The following OR4N2 variants were observed in gnomAD, a reference collection of about 807,000 sequenced individuals.
The protein encoded by OR4N2 is olfactory receptor family 4 subfamily N member 2, also known as olfactory receptor 4N2.
For missense variants in OR4N2, 307 were observed against 377.6 expected, an observed-to-expected ratio of 0.81 and a Z score of 1.55; for synonymous variants, 141 against 140.4, an observed-to-expected ratio of 1.00 and a Z score of -0.03.
In OR4N2 at chr14:19,820,592, C is replaced by A. The variant is rs866780424; in HGVS notation, c.-9-6848C>A. 3.3e-5 allele frequency among the ~76,000 whole-genome samples: 5 copies of A among 152,256 alleles called. No individual in the cohort carries two copies. In the South Asian group the frequency reaches 8.3e-4, roughly 25 times the overall value. On this transcript the variant is annotated intron_variant, in intron 1 of 1. Transcript: ENST00000557677. The stretch of plus-strand genomic sequence containing the variant: ...GGGACTTTTATCTATAAGCCCCTGA[C>A]TGGGGACGCTGCCTTTCTTTCAGAG...
chr14:19,814,207 A>T (rs543347974), intron 1 of OR4N2, among the ~76,000 whole-genome samples: 50 of 152,206 alleles, frequency 3.3e-4, no homozygotes, highest in Admixed American at 6.5e-4. Flanking sequence ...AATTTTTAAA[A>T]TTAATAATCT....
chr14:19,809,487 C>T (rs1879244699), intron 1 of OR4N2, among the ~76,000 whole-genome samples: 1 of 152,146 alleles, frequency 6.6e-6, no homozygotes, highest in African/African-American at 2.4e-5. Context: ...CTATAAGGAA[C>T]TTAAACAAAG....
intron 1 of OR4N2, among the ~76,000 whole-genome samples, chr14:19,821,727 A>G (rs1456777984): frequency 6.6e-6 from 1 of 152,266 alleles, no homozygotes; most frequent in Non-Finnish European, 1.5e-5. Context: ...TAGTTCTTGC[A>G]AACTCTGGTA....
At chr14:19,825,431 A>C (rs28439819) in intron 1 of OR4N2, among the ~76,000 whole-genome samples, 41,240 of 147,398 alleles carry the variant, frequency 0.28, 2,912 homozygotes, top group African/African-American at 0.32. Flanking sequence ...CCCTCATCCT[A>C]TATCTTCTTG....
rs1176764184 is a variant in OR4N2, at chr14:19,827,600, C to T, written c.152C>T (p.Ser51Leu). 2 of 1,614,076 alleles carry T rather than the reference C, an allele frequency of 1.2e-6. No homozygotes were observed. The highest frequency in any genetic ancestry group is 3.3e-5 in the Admixed American group (2 of 60,018). ...TTTCTCATTATTTTCACCATAAAGT[C>T]AGACCCTGGGCTCACAGCCCCCCTC... ...GNFLIIFTIKSDPGLTAPLYF... is the reference protein window; with the variant it reads ...GNFLIIFTIKLDPGLTAPLYF... Residue 51 changes from serine (S) to leucine (L), a missense_variant, in exon 2 of 2, where the codon TCA (serine) becomes TTA (leucine). Ser to Leu is a moderately radical substitution (Grantham distance 145, BLOSUM62 -2). Transcript: ENST00000557677.
chr14:19,824,701 T>C (rs1879648713), intron 1 of OR4N2, among the ~76,000 whole-genome samples: 1 of 152,276 alleles, frequency 6.6e-6, no homozygotes, highest in African/African-American at 2.4e-5. Flanking sequence ...ATATGAACTT[T>C]ATGATGATGC....
At chr14:19,818,329 T>C (rs1198711163) in intron 1 of OR4N2, among the ~76,000 whole-genome samples, 3 of 151,952 alleles carry the variant, frequency 2.0e-5, no homozygotes, top group South Asian at 4.1e-4. Flanking sequence ...TCTCTTTGTA[T>C]GTCTCTAAGG....
chr14:19,819,379 C>G (rs568666934), intron 1 of OR4N2, among the ~76,000 whole-genome samples: 9 of 152,124 alleles, frequency 5.9e-5, no homozygotes, highest in Non-Finnish European at 1.3e-4. Context: ...AGGATTTGTT[C>G]GTTCCTTTTC....
chr14:19,809,879 C>T (rs562620947), intron 1 of OR4N2, among the ~76,000 whole-genome samples: 2 of 152,336 alleles, frequency 1.3e-5, no homozygotes, highest in Admixed American at 1.3e-4. Context: ...AAATGTAAAA[C>T]CCCAAACTGT....
At position 19,829,496 on chromosome 14, in the gene OR4N2, A is replaced by T. The variant is rs1446107863; in HGVS notation, c.*1124A>T. ...ACGTCCAGAGATGCCTTACAGACTA[A>T]CACAGGTGACCAATGTTGTCAGGGA... On this transcript the variant is annotated 3_prime_UTR_variant, in exon 2 of 2. Transcript: ENST00000557677. 6.6e-6 allele frequency: 1 copy of T among 152,288 alleles called. No homozygotes were observed. The highest frequency in any genetic ancestry group is 1.5e-5 in the Non-Finnish European group (1 of 68,054). The allele number at this position is 152,288 out of a possible 1,614,324, so 9.4% of individuals were successfully genotyped here.
At chr14:19,812,386 G>C (rs1190448026) in intron 1 of OR4N2, among the ~76,000 whole-genome samples, 2 of 136,982 alleles carry the variant, frequency 1.5e-5, no homozygotes, top group African/African-American at 5.4e-5. Flanking sequence ...GATCTCGACA[G>C]TGGCGCAATC....
intron 1 of OR4N2, among the ~76,000 whole-genome samples, chr14:19,825,616 C>T (rs1356179171): frequency 2.6e-4 from 40 of 152,162 alleles, no homozygotes; most frequent in African/African-American, 1.9e-4. Flanking sequence ...AGTGCAGTGG[C>T]GCGATCTCGG....
intron 1 of OR4N2, among the ~76,000 whole-genome samples, chr14:19,809,795 C>A (rs1411034281): frequency 2.6e-5 from 4 of 152,162 alleles, no homozygotes; most frequent in Non-Finnish European, 1.5e-5. Flanking sequence ...ATGGGCAAGC[C>A]ACATGCAAAA....
At chr14:19,813,967 C>A (rs1291120235) in intron 1 of OR4N2, among the ~76,000 whole-genome samples, 2 of 148,336 alleles carry the variant, frequency 1.3e-5, no homozygotes, top group Non-Finnish European at 3.0e-5. Flanking sequence ...TCTCTCTTTT[C>A]TTCTTTCTTT....
chr14:19,828,511 T>C lies in OR4N2; in HGVS notation c.*139T>C. 1 of 897,328 alleles carries C rather than the reference T, an allele frequency of 1.1e-6. No individual in the cohort carries two copies. Among genetic ancestry groups the C allele is most frequent in the Non-Finnish European group, 1.7e-6 (1 of 605,924 alleles). 55.6% of individuals were successfully genotyped at this position (897,328 alleles called of 1,614,324 possible). ...TCTGGGAACTGAAAAAAGAAATTAC[T>C]GAGGCAGATAAGGTCCATCTGCTCT... is the stretch of plus-strand genomic sequence containing the variant. On this transcript the variant is annotated 3_prime_UTR_variant, in exon 2 of 2. Transcript: ENST00000557677.
chr14:19,812,246 G>A (rs1780882), intron 1 of OR4N2, among the ~76,000 whole-genome samples: 29,869 of 146,458 alleles, frequency 0.2, 1,278 homozygotes, highest in Middle Eastern at 0.35. Context: ...TCATGCCATA[G>A]AAGTAAAAAA....
chr14:19,825,573 T>TTTA, intron 1 of OR4N2, among the ~76,000 whole-genome samples: 1 of 145,816 alleles, frequency 6.9e-6, no homozygotes. Context: ...TTATTTATTT[T>TTTA]GAGACGGAGT....
intron 1 of OR4N2, among the ~76,000 whole-genome samples, chr14:19,824,649 T>C (rs1879647322): frequency 6.6e-6 from 1 of 152,238 alleles, no homozygotes; most frequent in Non-Finnish European, 1.5e-5. Flanking sequence ...ACCCTTCCTT[T>C]TCCTTCTCCT....
chr14:19,822,628 A>G (rs1339715064), intron 1 of OR4N2, among the ~76,000 whole-genome samples: 5 of 152,242 alleles, frequency 3.3e-5, no homozygotes, highest in Non-Finnish European at 5.9e-5. Flanking sequence ...GATTTATGCA[A>G]CTACCATTAT....
Sources: allele counts gnomAD v4.1 joint callset (sites outside exome capture counted in the v4.1 genomes callset), GRCh38; gene constraint gnomAD v4.1.1; transcripts MANE v1.5; gene names NCBI Gene and HGNC (gene_info 2026-07-23, HGNC 2026-07-21).